Variants in KCMF1 observed in about 807,000 individuals in gnomAD.
KCMF1 encodes the protein potassium channel modulatory factor 1, also known as E3 ubiquitin-protein ligase KCMF1.
In KCMF1, 3 loss-of-function variants were observed where a neutral mutation model predicts 41.1. The ratio of observed to expected loss-of-function variants is 0.07; its 90% CI spans 0.03 to 0.19. KCMF1 has a LOEUF of 0.19. Among genes scored for constraint, KCMF1 ranks in the 10% least tolerant of loss-of-function variants. The pLI is 1.00. For synonymous variants in KCMF1, 142 were observed against 164.5 expected, an observed-to-expected ratio of 0.86 and a Z score of 1.04; for missense variants, 286 against 488.9, an observed-to-expected ratio of 0.58 and a Z score of 3.91.
At chr2:85,026,762 T>G (rs1468730108) in intron 1 of KCMF1, among the ~76,000 whole-genome samples, 1 of 152,122 alleles carries the variant, frequency 6.6e-6, no homozygotes, top group Non-Finnish European at 1.5e-5. Flanking sequence ...TGCTTGGGAT[T>G]ATAGGTGTTA....
intron 1 of KCMF1, among the ~76,000 whole-genome samples, chr2:84,997,479 C>G (rs1674205196): frequency 6.6e-6 from 1 of 152,066 alleles, no homozygotes; most frequent in Non-Finnish European, 1.5e-5. Flanking sequence ...CAATTGAGGA[C>G]TTGAAGAAGG....
intron 3 of KCMF1, among the ~76,000 whole-genome samples, chr2:85,040,699 T>C (rs1675506499): frequency 6.6e-6 from 1 of 152,190 alleles, no homozygotes; most frequent in Admixed American, 6.5e-5. Context: ...GTTAACTTCA[T>C]GTGACCCAAG....
At position 85,056,889 on chromosome 2, in the gene KCMF1, T is replaced by G. The variant is rs975827655; in HGVS notation, c.*3480T>G. On this transcript the variant is annotated 3_prime_UTR_variant, in exon 7 of 7. Transcript: ENST00000409785. ...TATTGGTTTCATGTGCAGTAAAAAT[T>G]AAAACACGGCTGAGCGTGGTGGCTC... 6.6e-6 allele frequency: 1 copy of G among 152,184 alleles called. No homozygotes were observed. Among genetic ancestry groups the G allele is most frequent in the Non-Finnish European group, 1.5e-5 (1 of 68,028 alleles). 9.4% of individuals were successfully genotyped at this position (152,184 alleles called of 1,614,324 possible). A position where few individuals can be genotyped will look rare whatever the true frequency, so the allele number is the denominator to read the frequency against.
At position 85,054,612 on chromosome 2, in the gene KCMF1, T is replaced by C. The variant is rs1675885920; in HGVS notation, c.*1203T>C. On this transcript the variant is annotated 3_prime_UTR_variant, in exon 7 of 7. Transcript: ENST00000409785. ...GGTTTGGAAGGGCCGGGTTATTTTTTATTTCCTGTTTCAGTTTTTGTGCAT... is the reference window on the plus strand; with the variant it reads ...GGTTTGGAAGGGCCGGGTTATTTTTCATTTCCTGTTTCAGTTTTTGTGCAT... 1 of 152,184 alleles carries C rather than the reference T, an allele frequency of 6.6e-6. No homozygotes were observed. Among genetic ancestry groups the C allele is most frequent in the Non-Finnish European group, 1.5e-5 (1 of 68,038 alleles). 9.4% of individuals were successfully genotyped at this position (152,184 alleles called of 1,614,324 possible).
rs1294328656 is a variant in KCMF1, at chr2:84,993,900, ATTTTT to A, written c.16+22435_16+22439del. Among the ~76,000 whole-genome samples, 168 of 128,702 alleles carry A rather than the reference ATTTTT, an allele frequency of 1.3e-3. 1 individual carries two copies. Among genetic ancestry groups the A allele is most frequent in the South Asian group, 3.5e-3 (13 of 3,694 alleles). 84.4% of individuals were successfully genotyped at this position (128,702 alleles called of 152,430 possible). ...CTACCCCCCATTTTTGAGTTTGAAC[ATTTTT>A]TGTTTTGTTTTGTTTTGTTTTGTTT... On this transcript the variant is annotated intron_variant, in intron 1 of 6. Transcript: ENST00000409785.
intron 1 of KCMF1, among the ~76,000 whole-genome samples, chr2:85,007,443 C>A (rs145319846): frequency 6.6e-6 from 1 of 152,288 alleles, no homozygotes; most frequent in Non-Finnish European, 1.5e-5. Flanking sequence ...ATATATGGAG[C>A]GTTTAGCAGG....
chr2:84,983,846 A>G (rs1040606231), intron 1 of KCMF1, among the ~76,000 whole-genome samples: 8 of 151,670 alleles, frequency 5.3e-5, no homozygotes, highest in Middle Eastern at 3.4e-3. Context: ...GAGTCACCCT[A>G]TGTTGCCCAG....
intron 1 of KCMF1, among the ~76,000 whole-genome samples, chr2:85,027,574 C>T (rs139612638): frequency 3.5e-4 from 53 of 152,000 alleles, no homozygotes; most frequent in African/African-American, 1.3e-3. Context: ...GGGGTTTCAA[C>T]ATGTTGACCA....
chr2:85,048,471 A>G (rs962463624), intron 5 of KCMF1, among the ~76,000 whole-genome samples: 23 of 152,202 alleles, frequency 1.5e-4, no homozygotes, highest in African/African-American at 5.5e-4. Context: ...AAAGCCTGGG[A>G]TAAAGCAACA....
Position 85,058,718 on chromosome 2 carries a change from T to C in KCMF1, c.*5309T>C, listed in dbSNP as rs1232878848. On this transcript the variant is annotated 3_prime_UTR_variant, in exon 7 of 7. Transcript: ENST00000409785. ...AAAAGAGCCTTTCTCCCTTACACAA[T>C]TGAAACGTTTTCAAAGGTCATCAAG... The C allele has an allele frequency of 6.6e-6, 1 of 152,204 alleles. No individual in the cohort carries two copies. 9.4% of individuals were successfully genotyped at this position (152,204 alleles called of 1,614,324 possible).
intron 1 of KCMF1, among the ~76,000 whole-genome samples, chr2:84,994,141 G>C (rs1674116942): frequency 6.6e-6 from 1 of 151,282 alleles, no homozygotes; most frequent in Admixed American, 6.6e-5. Context: ...GTAGAGGCGA[G>C]GTTTCACCAT....
intron 1 of KCMF1, among the ~76,000 whole-genome samples, chr2:85,001,009 T>TG (rs1674313578): frequency 1.3e-5 from 2 of 151,242 alleles, no homozygotes; most frequent in African/African-American, 4.8e-5. Context: ...GTCTTTTTTT[T>TG]GTAGGGATGG....
intron 1 of KCMF1, among the ~76,000 whole-genome samples, chr2:84,984,542 T>TG (rs971680636): frequency 6.6e-6 from 1 of 152,052 alleles, no homozygotes; most frequent in Admixed American, 6.6e-5. Context: ...TAGCAGAGGC[T>TG]GGGTACGGTG....
At chr2:85,028,580 C>G (rs550448606) in intron 2 of KCMF1, among the ~76,000 whole-genome samples, 2 of 151,032 alleles carry the variant, frequency 1.3e-5, no homozygotes, top group Non-Finnish European at 2.9e-5. Context: ...ACCTCCACCC[C>G]CCAGGTTCAA....
chr2:84,994,843 T>C (rs1392771741), intron 1 of KCMF1, among the ~76,000 whole-genome samples: 1 of 152,206 alleles, frequency 6.6e-6, no homozygotes, highest in Non-Finnish European at 1.5e-5. Context: ...AAAATGTCTA[T>C]TTATAGTAGC....
intron 1 of KCMF1, among the ~76,000 whole-genome samples, chr2:84,998,147 A>AGTGGT (rs1363764105): frequency 1.3e-5 from 2 of 151,446 alleles, no homozygotes; most frequent in Non-Finnish European, 2.9e-5. Flanking sequence ...GCTGGAGTGC[A>AGTGGT]GTGGTGTGAT....
intron 6 of KCMF1, 108 bp downstream of exon 6, chr2:85,049,756 G>A: frequency 1.1e-6 from 1 of 946,058 alleles, no homozygotes; most frequent in Admixed American, 2.8e-5. Flanking sequence ...AAAATTTTGT[G>A]TTTGATTAAA....
In KCMF1 at chr2:85,053,428, A is replaced by G; in HGVS notation, c.*19A>G. On this transcript the variant is annotated 3_prime_UTR_variant, in exon 7 of 7. Coordinates refer to ENST00000409785, the MANE Select transcript of KCMF1 (RefSeq NM_020122.5). ...TCTTTGATGACATCCCAATTCGCAG[A>G]CAATGTCCTCTGTGCTGTATTTGCC... The G allele has an allele frequency of 6.2e-7, 1 of 1,605,588 alleles. No homozygotes were observed. The highest frequency in any genetic ancestry group is 8.5e-7 in the Non-Finnish European group (1 of 1,175,482).
intron 1 of KCMF1, among the ~76,000 whole-genome samples, chr2:85,015,298 T>C (rs1388197142): frequency 3.3e-5 from 5 of 152,176 alleles, no homozygotes; most frequent in African/African-American, 4.8e-5. Flanking sequence ...ACAGATATTA[T>C]TGAATTCCCA....
Sources: gnomAD v4.1 joint callset for allele counts (sites outside exome capture counted in the v4.1 genomes callset) on GRCh38, gnomAD v4.1.1 for gene constraint, MANE v1.5 for transcripts, NCBI Gene and HGNC (gene_info 2026-07-23, HGNC 2026-07-21) for gene names.